VAV2: variants seen among roughly 807,000 people sequenced by gnomAD.
VAV2 encodes guanine nucleotide exchange factor VAV2.
A neutral mutation model predicts 132.5 loss-of-function variants in VAV2; 67 were observed. That is an observed-to-expected ratio of 0.51 (90% CI 0.42 to 0.62). VAV2 has a LOEUF of 0.62. Ranked by LOEUF, VAV2 falls within the 20% of genes least tolerant of loss-of-function variation. VAV2 has a pLI of 0.00. For synonymous variants in VAV2, 492 were observed against 443.5 expected (o/e 1.11, Z -1.37); for missense variants, 938 against 1,153.6 (o/e 0.81, Z 2.71).
chr9:133,939,403 G>C lies in VAV2; in HGVS notation c.205-184C>G, dbSNP rs887363302. On this transcript the variant is annotated intron_variant, in intron 1 of 29. Coordinates refer to ENST00000371850, the MANE Select transcript of VAV2 (RefSeq NM_001134398.2). ...ACGAAACCCCCCGTCCCAAGGCTGG[G>C]GGGTGAGAAGCCAGGCCTGGATGGA... 8 of 633,652 alleles carry C rather than the reference G, an allele frequency of 1.3e-5. No homozygotes were observed. In the South Asian group the frequency reaches 1.3e-4, roughly 10 times the overall value. 39.3% of individuals were successfully genotyped at this position (633,652 alleles called of 1,614,324 possible).
At chr9:133,829,600 A>G (rs1322576690) in intron 4 of VAV2, among the ~76,000 whole-genome samples, 1 of 152,246 alleles carries the variant, frequency 6.6e-6, no homozygotes, top group Non-Finnish European at 1.5e-5. Context: ...AAGGTGACCC[A>G]GATAATATTT....
At chr9:133,980,268 G>A (rs1842652897) in intron 1 of VAV2, among the ~76,000 whole-genome samples, 1 of 152,208 alleles carries the variant, frequency 6.6e-6, no homozygotes, top group Non-Finnish European at 1.5e-5. Context: ...CTGGCACGAG[G>A]CCTCAACCCC....
intron 2 of VAV2, among the ~76,000 whole-genome samples, chr9:133,934,372 T>C (rs1840827069): frequency 6.6e-6 from 1 of 152,110 alleles, no homozygotes; most frequent in Admixed American, 6.5e-5. Context: ...ATTTTAGGTG[T>C]CAACTTGACT....
rs919143875 is a variant in VAV2, at chr9:133,924,439, G to A, written c.321+14664C>T. On this transcript the variant is annotated intron_variant, in intron 2 of 29. Coordinates refer to ENST00000371850, the MANE Select transcript of VAV2 (RefSeq NM_001134398.2). ...TGGCCTCAAGTGATCCACTGGCCTC[G>A]GCCTCCCAAAGTGCCGGGATTACAG... 3.0e-4 allele frequency among the ~76,000 whole-genome samples: 45 copies of A among 152,294 alleles called. 1 individual carries two copies. The highest frequency in any genetic ancestry group is 6.8e-3 in the Middle Eastern group (2 of 294).
chr9:133,876,555 C>A (rs964737557), intron 2 of VAV2, among the ~76,000 whole-genome samples: 1 of 152,242 alleles, frequency 6.6e-6, no homozygotes, highest in Admixed American at 6.5e-5. Context: ...GGAGGCCTGT[C>A]GGACACAGGG....
chr9:133,799,106 T>C (rs1350594310), intron 9 of VAV2, among the ~76,000 whole-genome samples: 2 of 152,226 alleles, frequency 1.3e-5, no homozygotes, highest in African/African-American at 4.8e-5. Context: ...AGAAGCGTCC[T>C]GATGGTGGGG....
intron 2 of VAV2, among the ~76,000 whole-genome samples, chr9:133,869,384 T>C (rs141981203): frequency 2.4e-4 from 37 of 152,104 alleles, no homozygotes; most frequent in African/African-American, 7.2e-4. Flanking sequence ...GACGGGAGGA[T>C]TGCTGGAAGC....
intron 3 of VAV2, among the ~76,000 whole-genome samples, chr9:133,850,136 A>G (rs144016503): frequency 6.6e-6 from 1 of 152,208 alleles, no homozygotes. Context: ...CATCAGGCCC[A>G]CATGGGCCTC....
At chr9:133,958,979 G>A (rs190048603) in intron 1 of VAV2, among the ~76,000 whole-genome samples, 75 of 152,306 alleles carry the variant, frequency 4.9e-4, no homozygotes, top group African/African-American at 1.7e-3. Flanking sequence ...TGGAGGAGGC[G>A]GTGGGGGCCT....
rs116908542 is a variant in VAV2, at chr9:133,962,852, C to T, written c.205-23633G>A. ...TTTTCTGCTTCAAAACCACATTGAG[C>T]GCTTGGCTCCATTCCTAGGTTTTCC... On this transcript the variant is annotated intron_variant, in intron 1 of 29. Coordinates refer to ENST00000371850, the MANE Select transcript of VAV2 (RefSeq NM_001134398.2). Among the ~76,000 whole-genome samples the T allele has an allele frequency of 5.9e-5, 9 of 152,288 alleles. No individual in the cohort carries two copies. The East Asian group carries it at 1.7e-3, about 29-fold the overall frequency.
intron 2 of VAV2, among the ~76,000 whole-genome samples, chr9:133,936,394 C>A (rs1840910172): frequency 6.6e-6 from 1 of 152,084 alleles, no homozygotes; most frequent in Admixed American, 6.6e-5. Flanking sequence ...ATACGCCCAC[C>A]AGCACACCCA....
Position 133,808,946 on chromosome 9 carries a change from G to A in VAV2, c.666+94C>T, listed in dbSNP as rs558105074. On this transcript the variant is annotated intron_variant, in intron 7 of 29. Transcript: ENST00000371850. Reference sequence around the variant, plus strand: ...CTTCGCCTGTCAGAGAGGCCCTATGGCCCTGCCTCCGGAATGCACTCCCAG... The same window carrying A: ...CTTCGCCTGTCAGAGAGGCCCTATGACCCTGCCTCCGGAATGCACTCCCAG... The A allele has an allele frequency of 2.5e-6, 3 of 1,195,242 alleles. No homozygotes were observed. In the African/African-American group the frequency reaches 4.5e-5, roughly 18 times the overall value. The allele number at this position is 1,195,242 out of a possible 1,614,324, so 74.0% of individuals were successfully genotyped here.
At chr9:133,988,516 G>C (rs1267004556) in intron 1 of VAV2, among the ~76,000 whole-genome samples, 3 of 152,192 alleles carry the variant, frequency 2.0e-5, no homozygotes, top group African/African-American at 7.2e-5. Flanking sequence ...CCCCACCTAG[G>C]CTTGTGCTTA....
intron 3 of VAV2, among the ~76,000 whole-genome samples, chr9:133,860,410 G>C (rs1054701555): frequency 2.0e-5 from 3 of 152,140 alleles, no homozygotes; most frequent in Non-Finnish European, 4.4e-5. Flanking sequence ...GTGGGTTTAG[G>C]AACATTTACC....
intron 4 of VAV2, among the ~76,000 whole-genome samples, chr9:133,831,339 G>A (rs1438320969): frequency 6.6e-6 from 1 of 152,146 alleles, no homozygotes; most frequent in Non-Finnish European, 1.5e-5. Flanking sequence ...GGGAGGCTGA[G>A]GCAGGAAAAT....
At chr9:133,875,477 G>A (rs751193199) in intron 2 of VAV2, among the ~76,000 whole-genome samples, 1 of 152,232 alleles carries the variant, frequency 6.6e-6, no homozygotes, top group East Asian at 1.9e-4. Flanking sequence ...GGGCAACCCA[G>A]AATTGTAGTC....
At chr9:133,829,348 A>G (rs929560905) in intron 4 of VAV2, among the ~76,000 whole-genome samples, 1 of 152,266 alleles carries the variant, frequency 6.6e-6, no homozygotes, top group African/African-American at 2.4e-5. Flanking sequence ...CACTTGAGAA[A>G]ATAACTTCAG....
Position 133,977,093 on chromosome 9 carries a change from G to A in VAV2, c.204+14982C>T, listed in dbSNP as rs7024367. Among the ~76,000 whole-genome samples, 851 of 152,296 alleles carry A rather than the reference G, an allele frequency of 5.6e-3. 7 individuals carry two copies. The highest frequency in any genetic ancestry group is 0.019 in the African/African-American group (808 of 41,558). ...GTTGCGGAGCCCAGCTCCAGGCCCA[G>A]GCCACGCCCAGCCGCCCTGCCCCAA... On this transcript the variant is annotated intron_variant, in intron 1 of 29. Transcript: ENST00000371850.
At chr9:133,948,687 CT>C (rs1841453159) in intron 1 of VAV2, among the ~76,000 whole-genome samples, 1 of 152,266 alleles carries the variant, frequency 6.6e-6, no homozygotes, top group Admixed American at 6.5e-5. Flanking sequence ...CTCACTAACA[CT>C]CGATGTGCTA....
Sources: gnomAD v4.1 joint callset for allele counts (sites outside exome capture counted in the v4.1 genomes callset) on GRCh38, gnomAD v4.1.1 for gene constraint, MANE v1.5 for transcripts, NCBI Gene and HGNC (gene_info 2026-07-23, HGNC 2026-07-21) for gene names.